The following POU2F1 variants were observed in gnomAD, a reference collection of about 807,000 sequenced individuals.
POU2F1 encodes POU domain, class 2, transcription factor 1.
A neutral mutation model predicts 84.9 loss-of-function variants in POU2F1; 16 were observed. That is an observed-to-expected ratio of 0.19 (90% confidence interval 0.13 to 0.29). POU2F1 has a LOEUF of 0.29. Ranked by LOEUF, POU2F1 falls within the 10% of genes least tolerant of loss-of-function variation. POU2F1 has a pLI of 1.00. For synonymous variants in POU2F1, 368 were observed against 368.3 expected, an observed-to-expected ratio of 1.00 and a Z score of 0.01; for missense variants, 738 against 942.6, an observed-to-expected ratio of 0.78 and a Z score of 2.84.
intron 8 of POU2F1, among the ~76,000 whole-genome samples, chr1:167,388,021 C>T (rs1004207808): frequency 2.0e-5 from 3 of 152,028 alleles, no homozygotes; most frequent in Non-Finnish European, 4.4e-5. Flanking sequence ...ACCCAAATGA[C>T]AATTTAAAGG....
intron 1 of POU2F1, among the ~76,000 whole-genome samples, chr1:167,269,146 A>G (rs1652181750): frequency 6.6e-6 from 1 of 151,544 alleles, no homozygotes. Flanking sequence ...ACTGAGAAAT[A>G]ACAAACAAGC....
chr1:167,361,292 A>G (rs1659337233), intron 2 of POU2F1, among the ~76,000 whole-genome samples: 1 of 152,112 alleles, frequency 6.6e-6, no homozygotes, highest in South Asian at 2.1e-4. Flanking sequence ...ACTGTTCCAT[A>G]TGATATTGGC....
chr1:167,335,020 T>G (rs989830076), intron 2 of POU2F1, among the ~76,000 whole-genome samples: 2 of 152,208 alleles, frequency 1.3e-5, no homozygotes, highest in Non-Finnish European at 2.9e-5. Flanking sequence ...ATTTTAAGAT[T>G]GTGTTGATAC....
chr1:167,265,608 G>C (rs2102449762), intron 1 of POU2F1, among the ~76,000 whole-genome samples: 1 of 152,300 alleles, frequency 6.6e-6, no homozygotes, highest in South Asian at 2.1e-4. Context: ...AGTGCATGCA[G>C]TAGTGAAATG....
At chr1:167,299,061 G>A (rs1468000507) in intron 1 of POU2F1, among the ~76,000 whole-genome samples, 1 of 151,550 alleles carries the variant, frequency 6.6e-6, no homozygotes, top group Non-Finnish European at 1.5e-5. Flanking sequence ...TTCTCGGGAA[G>A]CTGAGGCAGG....
chr1:167,390,117 C>G (rs1468906873), intron 9 of POU2F1, among the ~76,000 whole-genome samples: 1 of 152,188 alleles, frequency 6.6e-6, no homozygotes, highest in African/African-American at 2.4e-5. Flanking sequence ...GTCCCGAAAC[C>G]AATCCCCTGT....
intron 7 of POU2F1, among the ~76,000 whole-genome samples, chr1:167,377,935 T>A (rs1454584356): frequency 6.6e-6 from 1 of 152,216 alleles, no homozygotes; most frequent in African/African-American, 2.4e-5. Flanking sequence ...ACATTTTTTT[T>A]AATCCAGTCT....
intron 7 of POU2F1, chr1:167,379,457 G>A: frequency 6.6e-6 from 1 of 152,208 alleles, no homozygotes; most frequent in East Asian, 1.9e-4. Flanking sequence ...AAGTATCTAG[G>A]TATAATGCCT....
At chr1:167,248,976 A>G (rs1455773800) in intron 1 of POU2F1, among the ~76,000 whole-genome samples, 3 of 152,316 alleles carry the variant, frequency 2.0e-5, no homozygotes, top group African/African-American at 4.8e-5. Context: ...ATTTAAACCC[A>G]TGTTGTCTCA....
intron 2 of POU2F1, among the ~76,000 whole-genome samples, chr1:167,332,893 A>G (rs1016143585): frequency 6.6e-6 from 1 of 152,200 alleles, no homozygotes; most frequent in African/African-American, 2.4e-5. Context: ...CAATTACAAA[A>G]TGAGGATAAT....
At chr1:167,221,334 G>C (rs1346544535) in intron 1 of POU2F1, among the ~76,000 whole-genome samples, 3 of 151,094 alleles carry the variant, frequency 2.0e-5, no homozygotes, top group Non-Finnish European at 4.4e-5. Context: ...GGCGGGGCCG[G>C]GGCAGAGGGA....
chr1:167,412,625 C>CAACT (rs1200035064), intron 14 of POU2F1, among the ~76,000 whole-genome samples: 1 of 152,138 alleles, frequency 6.6e-6, no homozygotes, highest in Non-Finnish European at 1.5e-5. Context: ...TAAACTCTCT[C>CAACT]AACTGCCTAC....
intron 2 of POU2F1, among the ~76,000 whole-genome samples, chr1:167,336,480 G>A (rs1325462247): frequency 6.6e-6 from 1 of 152,088 alleles, no homozygotes; most frequent in Admixed American, 6.6e-5. Context: ...AGACCTATAC[G>A]AAGTACCACT....
At chr1:167,414,126 C>T (rs1650152102) in intron 15 of POU2F1, among the ~76,000 whole-genome samples, 1 of 152,112 alleles carries the variant, frequency 6.6e-6, no homozygotes, top group Non-Finnish European at 1.5e-5. Context: ...ATGTTAATTA[C>T]AGACAAAACC....
chr1:167,272,405 A>C lies in POU2F1; in HGVS notation c.61+51447A>C, dbSNP rs562150020. On this transcript the variant is annotated intron_variant, in intron 1 of 15. Transcript: ENST00000367866. Reference sequence around the variant, plus strand: ...ATTAGGATTTCAAAAAAAAAAAAAAACCATATTCAGAACTGTATTAGTCAG... The same window carrying C: ...ATTAGGATTTCAAAAAAAAAAAAAACCCATATTCAGAACTGTATTAGTCAG... Among the ~76,000 whole-genome samples, 21 of 151,278 alleles carry C rather than the reference A, an allele frequency of 1.4e-4. No individual in the cohort carries two copies. In the South Asian group the frequency reaches 4.2e-3, roughly 30 times the overall value.
chr1:167,383,306 G>A (rs551387550), intron 7 of POU2F1, among the ~76,000 whole-genome samples: 27 of 152,144 alleles, frequency 1.8e-4, no homozygotes, highest in Non-Finnish European at 3.1e-4. Flanking sequence ...TTTCTACTTT[G>A]AATGTCAGTT....
At chr1:167,405,436 G>A (rs541200414) in intron 13 of POU2F1, among the ~76,000 whole-genome samples, 9 of 152,034 alleles carry the variant, frequency 5.9e-5, no homozygotes, top group African/African-American at 1.9e-4. Flanking sequence ...CCAGCACTTT[G>A]GTAGGCCAAG....
At chr1:167,334,504 CA>C (rs1657303217) in intron 2 of POU2F1, among the ~76,000 whole-genome samples, 1 of 152,142 alleles carries the variant, frequency 6.6e-6, no homozygotes, top group Non-Finnish European at 1.5e-5. Flanking sequence ...TTAGGATTCG[CA>C]GCCCACATGT....
At chr1:167,381,201 G>A (rs924526333) in intron 7 of POU2F1, among the ~76,000 whole-genome samples, 2 of 152,078 alleles carry the variant, frequency 1.3e-5, no homozygotes, top group African/African-American at 4.8e-5. Flanking sequence ...TTCTGCCTCA[G>A]CCTCCTGAGT....
Sources: allele counts gnomAD v4.1 joint callset (sites outside exome capture counted in the v4.1 genomes callset), GRCh38; gene constraint gnomAD v4.1.1; transcripts MANE v1.5; gene names NCBI Gene and HGNC (gene_info 2026-07-23, HGNC 2026-07-21).